The following MPHOSPH9 variants were observed in gnomAD, a reference collection of about 807,000 sequenced individuals.
The protein encoded by MPHOSPH9 is M-phase phosphoprotein 9.
Under a neutral mutation model 145.5 loss-of-function variants are expected in MPHOSPH9, and 88 were observed. The ratio of observed to expected loss-of-function variants is 0.60; its 90% CI spans 0.51 to 0.72. The LOEUF (loss-of-function observed/expected upper bound fraction) is 0.72, where lower values mean the gene tolerates loss of function less well. Ranked by LOEUF, MPHOSPH9 falls within the 30% of genes least tolerant of loss-of-function variation. The pLI is 0.00. For missense variants in MPHOSPH9, 1,238 were observed against 1,386.6 expected, an observed-to-expected ratio of 0.89 and a Z score of 1.70; for synonymous variants, 435 against 486.2, an observed-to-expected ratio of 0.89 and a Z score of 1.39.
intron 8 of MPHOSPH9, among the ~76,000 whole-genome samples, chr12:123,207,340 A>G (rs960942724): frequency 4.6e-5 from 7 of 151,278 alleles, no homozygotes; most frequent in Non-Finnish European, 8.8e-5. Flanking sequence ...CTTGCCCCCT[A>G]CAATCTTACC....
intron 15 of MPHOSPH9, among the ~76,000 whole-genome samples, chr12:123,177,876 C>T (rs2044952623): frequency 6.6e-6 from 1 of 151,786 alleles, no homozygotes; most frequent in African/African-American, 2.4e-5. Context: ...AAAAACCTTT[C>T]TAATTTTTAA....
rs1485451295 is a variant in MPHOSPH9 at position 123,166,677 on chromosome 12, G to C, written c.2569C>G (p.Leu857Val). ...CACCCTAGGCTACAGGTTTCCTCCAGCTGGTTATCCACGTTACTGTCCTGG... is the reference window on the plus strand; with the variant it reads ...CACCCTAGGCTACAGGTTTCCTCCACCTGGTTATCCACGTTACTGTCCTGG... ...DTQDSNVDNQ[L>V]EETCSLGHRS... The change falls in exon 17 of 24, where the codon CTG becomes GTG. Residue 857 changes from leucine to valine, a missense_variant. By Grantham distance (32) the Leu-to-Val change is conservative. Transcript: ENST00000606320. 1 of 1,613,598 alleles carries C rather than the reference G, an allele frequency of 6.2e-7. No homozygotes were observed. Among genetic ancestry groups the C allele is most frequent in the Admixed American group, 1.7e-5 (1 of 59,822 alleles).
chr12:123,187,677 C>T (rs549253889), intron 13 of MPHOSPH9, among the ~76,000 whole-genome samples: 2 of 152,232 alleles, frequency 1.3e-5, no homozygotes, highest in Admixed American at 1.3e-4. Flanking sequence ...CAGCTCAGAG[C>T]CTCAAAGGAG....
intron 3 of MPHOSPH9, among the ~76,000 whole-genome samples, chr12:123,225,322 T>C (rs1331654923): frequency 1.3e-5 from 2 of 150,040 alleles, no homozygotes; most frequent in East Asian, 2.0e-4. Flanking sequence ...TGTGCACCTG[T>C]AGTCCCAGCT....
chr12:123,184,360 C>T (rs2045339452), intron 13 of MPHOSPH9, among the ~76,000 whole-genome samples: 1 of 152,068 alleles, frequency 6.6e-6, no homozygotes, highest in African/African-American at 2.4e-5. Context: ...TCTAAACATT[C>T]ACATCTGGAG....
At chr12:123,203,488 T>A in intron 8 of MPHOSPH9, 113 bp from the exon 9 acceptor site, 1 of 935,244 alleles carries the variant, frequency 1.1e-6, no homozygotes, top group Non-Finnish European at 1.6e-6. Context: ...ATTGAAAATG[T>A]AGACTGTCAG....
At chr12:123,223,248 A>G (rs1593237919) in intron 3 of MPHOSPH9, 121 bp from the exon 4 acceptor site, 1 of 522,274 alleles carries the variant, frequency 1.9e-6, no homozygotes, top group East Asian at 3.6e-5. Flanking sequence ...CCCAAGAGCC[A>G]TCAGCACTCT....
At chr12:123,217,642 T>C (rs2047023324) in intron 6 of MPHOSPH9, among the ~76,000 whole-genome samples, 1 of 152,202 alleles carries the variant, frequency 6.6e-6, no homozygotes, top group African/African-American at 2.4e-5. Context: ...CTGCAAATGA[T>C]TCATTTTCAT....
chr12:123,157,478 CA>C (rs2043918781), intron 23 of MPHOSPH9, among the ~76,000 whole-genome samples: 1 of 151,978 alleles, frequency 6.6e-6, no homozygotes, highest in Non-Finnish European at 1.5e-5. Context: ...TATCATTATA[CA>C]TACTTCTGTG....
Position 123,154,413 on chromosome 12 carries a change from T to G in MPHOSPH9, c.*2394A>C, listed in dbSNP as rs995867079. ...GAAAGACAGCAGAAAGAACTTTCCT[T>G]GGTATCCCTCTTCACAGCTATGAAG... is the stretch of plus-strand genomic sequence containing the variant. On this transcript the variant is annotated 3_prime_UTR_variant, in exon 24 of 24. Transcript: ENST00000606320. The G allele has an allele frequency of 2.0e-5, 3 of 152,182 alleles. No homozygotes were observed. The highest frequency in any genetic ancestry group is 2.9e-5 in the Non-Finnish European group (2 of 68,028). The allele number at this position is 152,182 out of a possible 1,614,324, so 9.4% of individuals were successfully genotyped here. A position where few individuals can be genotyped will look rare whatever the true frequency, so the allele number is the denominator to read the frequency against.
At position 123,221,696 on chromosome 12, in the gene MPHOSPH9, G is replaced by A. The variant is rs369067318; in HGVS notation, c.548C>T (p.Thr183Met). 44 of 1,614,038 alleles carry A rather than the reference G, an allele frequency of 2.7e-5. No homozygotes were observed. Among genetic ancestry groups the A allele is most frequent in the African/African-American group, 2.5e-4 (19 of 75,046 alleles). The change falls in exon 5 of 24, where the codon ACG becomes ATG. Residue 183 changes from threonine (T) to methionine (M), a missense_variant. By Grantham distance (81) the Thr-to-Met change is moderately conservative. Around this residue, in one of 3 missense-constraint regions of MPHOSPH9, gnomAD observed 837 missense variants for 897.5 expected, o/e 0.93. Coordinates refer to ENST00000606320, the MANE Select transcript of MPHOSPH9 (RefSeq NM_022782.4). ...TEPEIQQEMSTSQPDCNVDSC... is the reference protein window; with the variant it reads ...TEPEIQQEMSMSQPDCNVDSC... ...ATCCACATTGCAGTCTGGTTGTGAC[G>A]TGGACATTTCTTGCTGTATTTCAGG...
At chr12:123,242,782 G>A (rs906892172) in intron 1 of MPHOSPH9, among the ~76,000 whole-genome samples, 2 of 152,176 alleles carry the variant, frequency 1.3e-5, no homozygotes, top group African/African-American at 4.8e-5. Flanking sequence ...CCTTTGTCTG[G>A]GAGTCTCGCC....
intron 7 of MPHOSPH9, among the ~76,000 whole-genome samples, chr12:123,214,158 A>G (rs2046863653): frequency 6.6e-6 from 1 of 152,174 alleles, no homozygotes; most frequent in Non-Finnish European, 1.5e-5. Context: ...CTACCCGAAA[A>G]AGGTTGATGA....
intron 13 of MPHOSPH9, among the ~76,000 whole-genome samples, chr12:123,182,667 T>C (rs2045237670): frequency 6.6e-6 from 1 of 151,910 alleles, no homozygotes; most frequent in African/African-American, 2.4e-5. Context: ...ATCCCAGCAC[T>C]GTGGGAGGCC....
intron 3 of MPHOSPH9, chr12:123,226,241 C>T: frequency 1.3e-6 from 1 of 772,844 alleles, no homozygotes; most frequent in Non-Finnish European, 1.6e-6. Context: ...TATAATAATA[C>T]TTTTTTATAA....
intron 13 of MPHOSPH9, among the ~76,000 whole-genome samples, chr12:123,184,388 C>A (rs1272178781): frequency 2.6e-5 from 4 of 151,992 alleles, no homozygotes; most frequent in African/African-American, 9.7e-5. Flanking sequence ...AACAAAATGG[C>A]TGGTGCATGA....
chr12:123,169,431 G>A (rs1353377971), intron 16 of MPHOSPH9, among the ~76,000 whole-genome samples: 2 of 151,252 alleles, frequency 1.3e-5, no homozygotes, highest in Admixed American at 6.6e-5. Context: ...CCCAGGAGGC[G>A]GAGTTTGCAG....
intron 6 of MPHOSPH9, among the ~76,000 whole-genome samples, chr12:123,217,799 T>G (rs1298237904): frequency 6.6e-6 from 1 of 151,980 alleles, no homozygotes; most frequent in Non-Finnish European, 1.5e-5. Context: ...ATCCCTGCAC[T>G]TTGGGAGGCC....
rs997413128 is a variant in MPHOSPH9, at chr12:123,206,828, C to T, written c.1194+3228G>A. Among the ~76,000 whole-genome samples, 4 of 151,814 alleles carry T rather than the reference C, an allele frequency of 2.6e-5. No homozygotes were observed. In the East Asian group the frequency reaches 5.8e-4, roughly 22 times the overall value. On this transcript the variant is annotated intron_variant, in intron 8 of 23. Transcript: ENST00000606320. The stretch of plus-strand genomic sequence containing the variant: ...ACTCAGGAGGCTGAAGCAGGAGAAT[C>T]GCTTGAACCCAGGAGATGGAGGTTG...
Sources: gnomAD v4.1 joint callset for allele counts (sites outside exome capture counted in the v4.1 genomes callset) on GRCh38, gnomAD v4.1.1 for gene constraint, gnomAD v4.1.1 regional missense constraint, MANE v1.5 for transcripts, NCBI Gene and HGNC (gene_info 2026-07-23, HGNC 2026-07-21) for gene names.